PCMT1: variants seen among roughly 807,000 people sequenced by gnomAD.
PCMT1 encodes the protein protein-L-isoaspartate(D-aspartate) O-methyltransferase.
In PCMT1, 9 loss-of-function variants were observed where a neutral mutation model predicts 29.2. The observed-to-expected ratio is 0.31, with a 90% CI of 0.19 to 0.54. The LOEUF (loss-of-function observed/expected upper bound fraction) is 0.54. PCMT1 is among the 20% of genes least tolerant of loss of function. The pLI, the probability that PCMT1 is intolerant of heterozygous loss-of-function variation, is 0.95. For synonymous variants in PCMT1, 98 were observed against 97.5 expected (o/e 1.00, Z -0.03); for missense variants, 184 against 282.2 (o/e 0.65, Z 2.49).
rs566802624 is a variant in PCMT1 at position 149,800,913 on chromosome 6, A to G, written c.505-1287A>G. 6.6e-5 allele frequency among the ~76,000 whole-genome samples: 10 copies of G among 152,312 alleles called. No homozygotes were observed. In the East Asian group the frequency reaches 1.9e-3, roughly 29 times the overall value. ...TTTGGCCCGCCAAGAGGATAGTTCT[A>G]TATTAGTTGGTTCAGTTCAAACATT... On this transcript the variant is annotated intron_variant, in intron 6 of 7. Coordinates refer to ENST00000464889, the MANE Select transcript of PCMT1 (RefSeq NM_001360452.2).
At chr6:149,775,639 T>C (rs1455773935) in intron 3 of PCMT1, among the ~76,000 whole-genome samples, 4 of 152,066 alleles carry the variant, frequency 2.6e-5, no homozygotes, top group African/African-American at 9.7e-5. Context: ...GTCCAGGAAT[T>C]TGAGGCTGCA....
intron 1 of PCMT1, among the ~76,000 whole-genome samples, chr6:149,770,016 C>A (rs1037579791): frequency 6.6e-6 from 1 of 152,134 alleles, no homozygotes; most frequent in South Asian, 2.1e-4. Flanking sequence ...CTTCATCCTG[C>A]CTCTGTGACT....
At position 149,756,512 on chromosome 6, in the gene PCMT1, CTTTTTTTTTTT is replaced by C. The variant is rs61038108; in HGVS notation, c.55+6578_55+6588del. Among the ~76,000 whole-genome samples, 58 of 74,724 alleles carry C rather than the reference CTTTTTTTTTTT, an allele frequency of 7.8e-4. 1 individual carries two copies. The East Asian group carries it at 9.6e-3, about 12-fold the overall frequency. The allele number at this position is 74,724 out of a possible 152,430, so 49.0% of individuals were successfully genotyped here. On this transcript the variant is annotated intron_variant, in intron 1 of 7. Coordinates refer to ENST00000464889, the MANE Select transcript of PCMT1 (RefSeq NM_001360452.2). Reference sequence around the variant, plus strand: ...TACAGATGCACACCACCATGACTGGCTTTTTTTTTTTTTTTTTTTTTTTTTTTTTTTTGGTA... The same window carrying C: ...TACAGATGCACACCACCATGACTGGCTTTTTTTTTTTTTTTTTTTTTGGTA...
At chr6:149,773,722 T>A (rs1254109057) in intron 3 of PCMT1, among the ~76,000 whole-genome samples, 1 of 152,142 alleles carries the variant, frequency 6.6e-6, no homozygotes, top group Admixed American at 6.5e-5. Flanking sequence ...TTAAAAGATT[T>A]TGGTGGTTGT....
At chr6:149,777,479 A>G (rs1042900480) in intron 3 of PCMT1, among the ~76,000 whole-genome samples, 1 of 151,186 alleles carries the variant, frequency 6.6e-6, no homozygotes, top group Non-Finnish European at 1.5e-5. Context: ...AGAACTCTGC[A>G]AGTACAAATA....
intron 1 of PCMT1, among the ~76,000 whole-genome samples, chr6:149,758,204 CTTTCTTTTTT>C (rs1428539315): frequency 3.4e-4 from 23 of 68,198 alleles, no homozygotes; most frequent in Non-Finnish European, 5.7e-4. Flanking sequence ...TTCTTTCTTT[CTTTCTTTTTT>C]TTTTTTTTTT....
chr6:149,805,344 A>G (rs569593755), intron 7 of PCMT1, among the ~76,000 whole-genome samples: 5 of 152,242 alleles, frequency 3.3e-5, no homozygotes, highest in Non-Finnish European at 7.3e-5. Context: ...CTGTAATCCC[A>G]GCACTTTGGG....
intron 7 of PCMT1, among the ~76,000 whole-genome samples, chr6:149,803,870 C>T (rs1775928932): frequency 6.7e-6 from 1 of 148,736 alleles, no homozygotes; most frequent in South Asian, 2.1e-4. Context: ...CATCTTAAGT[C>T]AGGAGTTTGA....
chr6:149,795,161 C>G (rs1352797729), intron 5 of PCMT1: 3 of 297,352 alleles, frequency 1.0e-5, no homozygotes, highest in Non-Finnish European at 1.9e-5. Context: ...CCATTGCACT[C>G]TAGCCTGGCA....
At chr6:149,797,305 A>G (rs116919667) in intron 6 of PCMT1, 1 of 152,294 alleles carries the variant, frequency 6.6e-6, no homozygotes, top group East Asian at 1.9e-4. Flanking sequence ...AGGAAAATAA[A>G]ATATGCATAT....
chr6:149,760,721 G>T (rs879586950), intron 1 of PCMT1, among the ~76,000 whole-genome samples: 3 of 152,110 alleles, frequency 2.0e-5, no homozygotes. Context: ...GCATGGTGGT[G>T]CATGCCTATA....
intron 6 of PCMT1, among the ~76,000 whole-genome samples, chr6:149,800,720 A>G (rs1347160355): frequency 6.6e-6 from 1 of 152,114 alleles, no homozygotes; most frequent in African/African-American, 2.4e-5. Context: ...CCTCAATTGA[A>G]TCGTATAACT....
At chr6:149,753,176 GAA>G (rs931125136) in intron 1 of PCMT1, among the ~76,000 whole-genome samples, 1 of 152,058 alleles carries the variant, frequency 6.6e-6, no homozygotes, top group African/African-American at 2.4e-5. Context: ...CATAAAATTT[GAA>G]AATATTGCCT....
intron 3 of PCMT1, among the ~76,000 whole-genome samples, chr6:149,779,028 T>C (rs1390733030): frequency 6.6e-6 from 1 of 152,128 alleles, no homozygotes; most frequent in African/African-American, 2.4e-5. Context: ...AGGTAGAACG[T>C]AATATAGCCC....
chr6:149,751,976 G>A (rs544571559), intron 1 of PCMT1, among the ~76,000 whole-genome samples: 1 of 149,766 alleles, frequency 6.7e-6, no homozygotes, highest in African/African-American at 2.5e-5. Context: ...GTGCTCAAGC[G>A]ATTTTCCCAC....
At chr6:149,778,923 CTT>C (rs1787693088) in intron 3 of PCMT1, among the ~76,000 whole-genome samples, 1 of 152,076 alleles carries the variant, frequency 6.6e-6, no homozygotes, top group Non-Finnish European at 1.5e-5. Context: ...AAGTTATAGT[CTT>C]AAGATAATCT....
intron 4 of PCMT1, among the ~76,000 whole-genome samples, chr6:149,792,572 G>A (rs931957886): frequency 6.6e-6 from 1 of 152,050 alleles, no homozygotes; most frequent in African/African-American, 2.4e-5. Flanking sequence ...GAGTGCAGTG[G>A]CACGATCTCA....
chr6:149,800,336 G>A (rs901660731), intron 6 of PCMT1, among the ~76,000 whole-genome samples: 1 of 152,132 alleles, frequency 6.6e-6, no homozygotes, highest in African/African-American at 2.4e-5. Flanking sequence ...GGGCTCGGTG[G>A]TGGGCACCTG....
chr6:149,767,812 G>A (rs1352321575), intron 1 of PCMT1, among the ~76,000 whole-genome samples: 1 of 138,268 alleles, frequency 7.2e-6, no homozygotes, highest in Non-Finnish European at 1.5e-5. Flanking sequence ...TGTTTGTTTT[G>A]AGATGACGTC....
Sources: allele counts gnomAD v4.1 joint callset (sites outside exome capture counted in the v4.1 genomes callset), GRCh38; gene constraint gnomAD v4.1.1; transcripts MANE v1.5; gene names NCBI Gene and HGNC (gene_info 2026-07-23, HGNC 2026-07-21).